PGS1: variants seen among roughly 807,000 people sequenced by gnomAD.
PGS1 encodes phosphatidylglycerophosphate synthase 1, also known as CDP-diacylglycerol--glycerol-3-phosphate 3-phosphatidyltransferase, mitochondrial.
PGS1 carries 44 observed loss-of-function variants against 58.3 expected under a neutral mutation model. The ratio of observed to expected loss-of-function variants is 0.75; its 90% confidence interval spans 0.59 to 0.97. The LOEUF (loss-of-function observed/expected upper bound fraction) is 0.97. Among genes scored for constraint, PGS1 ranks in the 50% least tolerant of loss-of-function variants. The pLI, the probability that PGS1 is intolerant of heterozygous loss-of-function variation, is 0.00. For synonymous variants in PGS1, 330 were observed against 311.0 expected, an observed-to-expected ratio of 1.06 and a Z score of -0.64; for missense variants, 684 against 731.1, an observed-to-expected ratio of 0.94 and a Z score of 0.74.
At chr17:78,421,719 A>G (rs1462689022) in intron 9 of PGS1, 1 of 152,290 alleles carries the variant, frequency 6.6e-6, no homozygotes, top group East Asian at 1.9e-4. Context: ...GGACCAGAGT[A>G]AATATCATTA....
At chr17:78,420,163 C>G (rs953539059) in intron 9 of PGS1, 2 of 1,001,086 alleles carry the variant, frequency 2.0e-6, no homozygotes, top group South Asian at 4.2e-5. Flanking sequence ...AGAGCCAGAC[C>G]GTGGGCTGCT....
At chr17:78,392,404 A>G (rs1033560111) in intron 1 of PGS1, 72 bp from the exon 2 acceptor site, 2 of 1,093,678 alleles carry the variant, frequency 1.8e-6, no homozygotes, top group Non-Finnish European at 1.3e-6. Flanking sequence ...ACTCCCCAGT[A>G]ACTGAGGGGG....
intron 2 of PGS1, among the ~76,000 whole-genome samples, chr17:78,393,146 C>T (rs866266797): frequency 4.5e-4 from 68 of 152,022 alleles, no homozygotes; most frequent in South Asian, 6.2e-4. Context: ...CTGCAAGCTC[C>T]GCCTCTCGGG....
At chr17:78,411,099 C>T (rs1474536840) in intron 7 of PGS1, among the ~76,000 whole-genome samples, 1 of 152,298 alleles carries the variant, frequency 6.6e-6, no homozygotes, top group South Asian at 2.1e-4. Flanking sequence ...AGTAGACACT[C>T]GGGCAGTTGG....
At chr17:78,417,552 G>A (rs2085298651) in intron 8 of PGS1, among the ~76,000 whole-genome samples, 1 of 152,112 alleles carries the variant, frequency 6.6e-6, no homozygotes, top group Non-Finnish European at 1.5e-5. Flanking sequence ...GTTCTGGAGT[G>A]TGGGGTGACC....
At chr17:78,419,397 C>T (rs2085487460) in intron 8 of PGS1, 149 bp from the exon 9 acceptor site, 6 of 692,562 alleles carry the variant, frequency 8.7e-6, no homozygotes. Flanking sequence ...TTGCCTGCCA[C>T]CAGAGCACCC....
intron 3 of PGS1, 144 bp downstream of exon 3, chr17:78,396,529 AT>A: frequency 1.6e-6 from 1 of 638,778 alleles, no homozygotes; most frequent in East Asian, 2.7e-5. Flanking sequence ...TGCCCCAGAT[AT>A]GGGCATGTCA....
rs1598397209 is a variant in PGS1, at chr17:78,419,674, A to G, written c.*9A>G. 1.2e-6 allele frequency: 2 copies of G among 1,613,656 alleles called. No homozygotes were observed. The highest frequency in any genetic ancestry group is 1.1e-5 in the South Asian group (1 of 91,070). On this transcript the variant is annotated splice_region_variant and 3_prime_UTR_variant, in exon 9 of 10. Coordinates refer to ENST00000262764, the MANE Select transcript of PGS1 (RefSeq NM_024419.5). ...TCAAGAACTTCTTCTGAGGACAGACAGGTGCTGTCTCTAGCATCACCTCTC... is the reference window on the plus strand; with the variant it reads ...TCAAGAACTTCTTCTGAGGACAGACGGGTGCTGTCTCTAGCATCACCTCTC...
At chr17:78,423,381 C>T (rs2086122090) in intron 9 of PGS1, among the ~76,000 whole-genome samples, 1 of 152,114 alleles carries the variant, frequency 6.6e-6, no homozygotes, top group Admixed American at 6.5e-5. Context: ...GTAAAAGGTC[C>T]TGTTGTTTTT....
chr17:78,402,946 C>T (rs545939202), intron 6 of PGS1, among the ~76,000 whole-genome samples: 1 of 152,148 alleles, frequency 6.6e-6, no homozygotes, highest in Non-Finnish European at 1.5e-5. Context: ...ACAAAAGGCA[C>T]CCCATGCAGA....
At chr17:78,420,118 C>T (rs1414733110) in intron 9 of PGS1, 2 of 1,037,618 alleles carry the variant, frequency 1.9e-6, no homozygotes, top group Non-Finnish European at 1.2e-6. Context: ...GCTTGCTGCC[C>T]TGGCCGGCTG....
Position 78,378,657 on chromosome 17 carries a change from C to T in PGS1, c.-9C>T, listed in dbSNP as rs201804193. On this transcript the variant is annotated 5_prime_UTR_variant, in exon 1 of 10. Transcript: ENST00000262764. Reference sequence around the variant, plus strand: ...CCGCCGGGAGCGGAAGCGGAAGCGGCGAGTCTCCATGGCGGTGGCGGCGGC... The same window carrying T: ...CCGCCGGGAGCGGAAGCGGAAGCGGTGAGTCTCCATGGCGGTGGCGGCGGC... The T allele has an allele frequency of 5.2e-5, 80 of 1,527,716 alleles. No individual in the cohort carries two copies. The highest frequency in any genetic ancestry group is 3.9e-4 in the Middle Eastern group (2 of 5,156). 94.6% of individuals were successfully genotyped at this position (1,527,716 alleles called of 1,614,324 possible).
chr17:78,399,248 C>T (rs927702129), intron 4 of PGS1, 100 bp from the exon 5 acceptor site: 25 of 869,060 alleles, frequency 2.9e-5, no homozygotes, highest in Middle Eastern at 3.5e-4. Context: ...TTCAGGTGGA[C>T]GGCACAGGTG....
At chr17:78,390,717 G>A (rs947185293) in intron 1 of PGS1, among the ~76,000 whole-genome samples, 1 of 152,176 alleles carries the variant, frequency 6.6e-6, no homozygotes, top group Admixed American at 6.5e-5. Flanking sequence ...GGGGCTCTGG[G>A]TGTGCGGTCC....
chr17:78,414,723 T>C (rs528882187), intron 7 of PGS1, among the ~76,000 whole-genome samples, 156 bp from the exon 8 acceptor site: 1 of 152,034 alleles, frequency 6.6e-6, no homozygotes, highest in African/African-American at 2.4e-5. Context: ...GGTGGAAGAG[T>C]GAGTCCTGGT....
intron 1 of PGS1, among the ~76,000 whole-genome samples, chr17:78,387,821 C>T (rs909439796): frequency 1.3e-5 from 2 of 152,102 alleles, no homozygotes; most frequent in Admixed American, 6.6e-5. Context: ...TGGTCTCGAT[C>T]TCCTGGCCTC....
At chr17:78,421,047 C>T (rs1352686448) in intron 9 of PGS1, 1 of 152,170 alleles carries the variant, frequency 6.6e-6, no homozygotes, top group Non-Finnish European at 1.5e-5. Flanking sequence ...AGGACTACAC[C>T]TTGTGATTGT....
At chr17:78,422,368 C>CATTACCCTCAGAATTTGGACTT (rs1199682629) in intron 9 of PGS1, among the ~76,000 whole-genome samples, 2 of 152,122 alleles carry the variant, frequency 1.3e-5, no homozygotes, top group African/African-American at 4.8e-5. Context: ...TGTTGTGAAT[C>CATTACCCTCAGAATTTGGACTT]ATTACCCTCA....
chr17:78,399,228 G>T, intron 4 of PGS1, 120 bp from the exon 5 acceptor site: 1 of 731,192 alleles, frequency 1.4e-6, no homozygotes, highest in Non-Finnish European at 2.3e-6. Context: ...GCCCCAGCTG[G>T]TGTGACTGAT....
Sources: allele counts gnomAD v4.1 joint callset (sites outside exome capture counted in the v4.1 genomes callset), GRCh38; gene constraint gnomAD v4.1.1; transcripts MANE v1.5; gene names NCBI Gene and HGNC (gene_info 2026-07-23, HGNC 2026-07-21).